The following TMCO6 variants were observed in gnomAD, a reference collection of about 807,000 sequenced individuals.
TMCO6 encodes transmembrane and coiled-coil domain-containing protein 6.
In TMCO6, 47 loss-of-function variants were observed where a neutral mutation model predicts 61.8. The ratio of observed to expected loss-of-function variants is 0.76; its 90% confidence interval spans 0.60 to 0.97. The LOEUF is 0.97. Among genes scored for constraint, TMCO6 ranks in the 50% least tolerant of loss-of-function variants. The pLI is 0.00. For missense variants in TMCO6, 557 were observed against 601.6 expected, an observed-to-expected ratio of 0.93 and a Z score of 0.78; for synonymous variants, 261 against 254.2, an observed-to-expected ratio of 1.03 and a Z score of -0.25.
At chr5:140,629,981 C>T in the TMCO6 span, among the ~76,000 whole-genome samples, 2 of 150,456 alleles carry the variant, frequency 1.3e-5, no homozygotes, top group African/African-American at 2.4e-5. Flanking sequence ...TATCAATCCT[C>T]AACAATATCT....
chr5:140,613,415 A>AAC, the TMCO6 span, among the ~76,000 whole-genome samples: 1 of 142,842 alleles, frequency 7.0e-6, no homozygotes, highest in Non-Finnish European at 1.5e-5. Flanking sequence ...AAAAAAAAAA[A>AAC]ATGGTGGCAG....
chr5:140,631,770 G>T, the TMCO6 span: 1 of 1,269,980 alleles, frequency 7.9e-7, no homozygotes, highest in Non-Finnish European at 1.1e-6. Context: ...GCAAAGGGTT[G>T]AATTGGTCGA....
chr5:140,634,482 CTTT>C (rs1221427030), upstream of TMCO6, among the ~76,000 whole-genome samples: 4 of 110,874 alleles, frequency 3.6e-5, no homozygotes, highest in Admixed American at 1.0e-4. Context: ...ATATGAAAGT[CTTT>C]TTTTTTTTTT....
the TMCO6 span, among the ~76,000 whole-genome samples, chr5:140,626,903 C>T: frequency 2.0e-5 from 3 of 152,164 alleles, no homozygotes; most frequent in African/African-American, 7.2e-5. Context: ...CTCTATTGTG[C>T]TTTTATTCCA....
intron 2 of TMCO6, among the ~76,000 whole-genome samples, chr5:140,640,269 C>T (rs1221632373): frequency 6.6e-6 from 1 of 152,144 alleles, no homozygotes; most frequent in Non-Finnish European, 1.5e-5. Flanking sequence ...CAAATTTTAT[C>T]AGTTTTCTCA....
chr5:140,598,988 A>C, the TMCO6 span, among the ~76,000 whole-genome samples: 1 of 152,184 alleles, frequency 6.6e-6, no homozygotes, highest in Non-Finnish European at 1.5e-5. Flanking sequence ...GTCAGACCCC[A>C]TTTGTAGCCC....
At chr5:140,623,762 A>G in the TMCO6 span, among the ~76,000 whole-genome samples, 1 of 152,276 alleles carries the variant, frequency 6.6e-6, no homozygotes, top group African/African-American at 2.4e-5. Flanking sequence ...TTAAAAAAAT[A>G]GAGATGGAGG....
chr5:140,645,689 A>G, downstream of TMCO6: 4 of 1,614,194 alleles, frequency 2.5e-6, no homozygotes, highest in Non-Finnish European at 3.4e-6. Context: ...CTGAAGAGAG[A>G]GAGGGAGGTG....
chr5:140,643,488 C>G lies in TMCO6; in HGVS notation c.807-76C>G, dbSNP rs146774984. ...CTGGGATTACAGGCATAAGCCACCA[C>G]GCCTAGGCAACTGCTTCTCTTCTTA... On this transcript the variant is annotated intron_variant, in intron 7 of 11. Transcript: ENST00000394671. 3,225 of 1,385,846 alleles carry G rather than the reference C, an allele frequency of 2.3e-3. 12 individuals carry two copies. The highest frequency in any genetic ancestry group is 9.2e-3 in the Middle Eastern group (37 of 4,032). 85.8% of individuals were successfully genotyped at this position (1,385,846 alleles called of 1,614,324 possible).
At position 140,642,312 on chromosome 5, in the gene TMCO6, C is replaced by T; in HGVS notation, c.499-3C>T. 1.2e-6 allele frequency: 2 copies of T among 1,607,904 alleles called. No homozygotes were observed. The highest frequency in any genetic ancestry group is 1.3e-5 in the African/African-American group (1 of 74,912). ...GCCCAGTGCTTTTGTTGCCTGTTCT[C>T]AGGAGCTGTGTCTGTATACACTGGG... is the stretch of plus-strand genomic sequence containing the variant. On this transcript the variant is annotated splice_polypyrimidine_tract_variant and splice_region_variant and intron_variant, in intron 4 of 11. Coordinates refer to ENST00000394671, the MANE Select transcript of TMCO6 (RefSeq NM_018502.5).
At chr5:140,597,766 T>C in the TMCO6 span, among the ~76,000 whole-genome samples, 44,916 of 152,096 alleles carry the variant, frequency 0.3, 6,852 homozygotes, top group African/African-American at 0.3. Context: ...TAATGGACTA[T>C]CTTAGCCACT....
At position 140,643,905 on chromosome 5, in the gene TMCO6, C is replaced by G. The variant is rs1364132130; in HGVS notation, c.1044C>G (p.Phe348Leu). Residue 348 changes from phenylalanine (F) to leucine (L), a missense_variant, in exon 9 of 12, where the codon TTC becomes TTG. Phe to Leu is a conservative substitution (Grantham distance 22). Transcript: ENST00000394671. Reference sequence around the variant, plus strand: ...CAGCCTTATTTATCCTTCTGCAGTTCTTTTTCCAGAAACAGCCCAGTCTGC... The same window carrying G: ...CAGCCTTATTTATCCTTCTGCAGTTGTTTTTCCAGAAACAGCCCAGTCTGC... ...VVAALFILLQ[F>L]FFQKQPSLLP... is the part of the protein sequence containing the mutation. 1.9e-6 allele frequency: 3 copies of G among 1,614,036 alleles called. No homozygotes were observed. Among genetic ancestry groups the G allele is most frequent in the Non-Finnish European group, 2.5e-6 (3 of 1,180,038 alleles).
In TMCO6 at chr5:140,645,118, T is replaced by C; in HGVS notation, c.*20T>C. On this transcript the variant is annotated 3_prime_UTR_variant, in exon 12 of 12. Transcript: ENST00000394671. ...GGGTGATCTTGTTTCTCAATGTCAC[T>C]CATTCCCCTCTCTCTTAACATCAAG... The C allele has an allele frequency of 6.2e-7, 1 of 1,601,932 alleles. No homozygotes were observed. The highest frequency in any genetic ancestry group is 1.1e-5 in the South Asian group (1 of 90,844).
the TMCO6 span, among the ~76,000 whole-genome samples, chr5:140,611,735 T>C: frequency 1.3e-5 from 2 of 152,206 alleles, no homozygotes; most frequent in Non-Finnish European, 2.9e-5. Context: ...GACATATTGG[T>C]CTGTAGTTTT....
chr5:140,610,838 T>A, the TMCO6 span, among the ~76,000 whole-genome samples: 1 of 152,222 alleles, frequency 6.6e-6, no homozygotes, highest in Admixed American at 6.5e-5. Context: ...CTATTAAGTA[T>A]GATATAAACT....
At chr5:140,612,477 C>T in the TMCO6 span, among the ~76,000 whole-genome samples, 5 of 151,906 alleles carry the variant, frequency 3.3e-5, no homozygotes, top group Non-Finnish European at 7.4e-5. Context: ...GTAGCTGGGA[C>T]TATAGGCGCC....
downstream of TMCO6, chr5:140,645,776 C>T (rs1561963024): frequency 3.2e-6 from 5 of 1,568,210 alleles, no homozygotes; most frequent in African/African-American, 1.3e-5. Flanking sequence ...CTTGTTAAGA[C>T]AGGAAGAGTA....
chr5:140,646,469 G>T (rs1262058469), downstream of TMCO6, among the ~76,000 whole-genome samples: 1 of 152,042 alleles, frequency 6.6e-6, no homozygotes, highest in Admixed American at 6.5e-5. Flanking sequence ...TGTCTACTGT[G>T]TCTCACAGAT....
chr5:140,631,850 T>C, the TMCO6 span: 1 of 1,543,418 alleles, frequency 6.5e-7, no homozygotes, highest in Non-Finnish European at 8.8e-7. Context: ...TATTCTGTCT[T>C]GGATCTTAGG....
Sources: allele counts gnomAD v4.1 joint callset (sites outside exome capture counted in the v4.1 genomes callset), GRCh38; gene constraint gnomAD v4.1.1; transcripts MANE v1.5; gene names NCBI Gene and HGNC (gene_info 2026-07-23, HGNC 2026-07-21).